Variants in TSHZ2 observed in about 807,000 individuals in gnomAD.
TSHZ2 encodes teashirt zinc finger homeobox 2, also known as teashirt homolog 2.
In TSHZ2, 21 loss-of-function variants were observed where a neutral mutation model predicts 74.4. The ratio of observed to expected loss-of-function variants is 0.28; its 90% CI spans 0.20 to 0.41. The LOEUF (loss-of-function observed/expected upper bound fraction) is 0.41, where lower values mean the gene tolerates loss of function less well. Ranked by LOEUF, TSHZ2 falls within the 10% of genes least tolerant of loss-of-function variation. The pLI is 1.00. For synonymous variants in TSHZ2, 540 were observed against 515.3 expected (o/e 1.05, Z -0.65); for missense variants, 1,244 against 1,293.5 (o/e 0.96, Z 0.59).
At chr20:53,378,749 TA>T (rs1001166775) in intron 2 of TSHZ2, among the ~76,000 whole-genome samples, 38 of 151,476 alleles carry the variant, frequency 2.5e-4, no homozygotes, top group African/African-American at 6.3e-4. Flanking sequence ...AATATGTCTT[TA>T]AAAAAAAACT....
chr20:53,110,632 T>A (rs1986505845), intron 1 of TSHZ2, among the ~76,000 whole-genome samples: 1 of 151,852 alleles, frequency 6.6e-6, no homozygotes, highest in African/African-American at 2.4e-5. Context: ...GCAGTTGGGA[T>A]ATGAGATAAA....
At chr20:53,343,132 A>G (rs781463720) in intron 2 of TSHZ2, among the ~76,000 whole-genome samples, 1 of 151,488 alleles carries the variant, frequency 6.6e-6, no homozygotes, top group Admixed American at 6.6e-5. Context: ...AAGCCCAGCT[A>G]ATTTTTGTAT....
At chr20:53,222,565 T>C (rs1422424056) in intron 1 of TSHZ2, among the ~76,000 whole-genome samples, 2 of 152,234 alleles carry the variant, frequency 1.3e-5, no homozygotes, top group African/African-American at 2.4e-5. Flanking sequence ...GCGTTCAGGT[T>C]AATTTATGAC....
At chr20:53,301,031 C>G (rs560160429) in intron 2 of TSHZ2, among the ~76,000 whole-genome samples, 2 of 152,036 alleles carry the variant, frequency 1.3e-5, no homozygotes, top group Non-Finnish European at 2.9e-5. Flanking sequence ...GGCAAGATCT[C>G]GGCTCACTGC....
intron 1 of TSHZ2, among the ~76,000 whole-genome samples, chr20:53,156,762 C>T (rs889885697): frequency 3.9e-5 from 6 of 152,166 alleles, no homozygotes; most frequent in African/African-American, 9.7e-5. Context: ...TGAATTAATA[C>T]TTTTTCTTAA....
rs556846894 is a variant in TSHZ2, at chr20:53,472,456, G to C, written c.*9-14688G>C. On this transcript the variant is annotated intron_variant, in intron 2 of 2. Transcript: ENST00000371497. ...GTGAAGAGGAATACAGAGGGGTACA[G>C]AATAAGGATTGGGGGTGCAAGCACC... 1.6e-4 allele frequency among the ~76,000 whole-genome samples: 24 copies of C among 152,284 alleles called. No individual in the cohort carries two copies. The South Asian group carries it at 4.8e-3, about 30-fold the overall frequency.
intron 1 of TSHZ2, among the ~76,000 whole-genome samples, chr20:53,089,328 T>TC (rs1985802727): frequency 2.5e-5 from 3 of 121,338 alleles, no homozygotes; most frequent in East Asian, 2.2e-4. Flanking sequence ...TTCTTTTTTT[T>TC]TTTTTTTTTT....
At chr20:53,269,135 TG>T (rs1014637463) in intron 2 of TSHZ2, among the ~76,000 whole-genome samples, 12 of 152,146 alleles carry the variant, frequency 7.9e-5, no homozygotes, top group African/African-American at 2.9e-4. Flanking sequence ...TGTACAGGGG[TG>T]GGGGCTGTCA....
chr20:53,100,637 A>T (rs6097233), intron 1 of TSHZ2, among the ~76,000 whole-genome samples: 1 of 152,032 alleles, frequency 6.6e-6, no homozygotes, highest in South Asian at 2.1e-4. Flanking sequence ...GATGGTAACT[A>T]TGATTTCACA....
At chr20:53,423,731 T>TC (rs1983562067) in intron 2 of TSHZ2, among the ~76,000 whole-genome samples, 1 of 152,160 alleles carries the variant, frequency 6.6e-6, no homozygotes, top group Non-Finnish European at 1.5e-5. Flanking sequence ...ATGCATTGGT[T>TC]CCCCCTCTGT....
chr20:53,028,881 A>G (rs571142966), intron 1 of TSHZ2, among the ~76,000 whole-genome samples: 103 of 152,354 alleles, frequency 6.8e-4, no homozygotes, highest in African/African-American at 2.4e-3. Context: ...CAGGTGTAAT[A>G]TAATGGTGAT....
At chr20:53,204,834 C>A (rs1000209587) in intron 1 of TSHZ2, among the ~76,000 whole-genome samples, 3 of 152,102 alleles carry the variant, frequency 2.0e-5, no homozygotes, top group African/African-American at 7.2e-5. Flanking sequence ...GTAATCCCAG[C>A]ACTTTGGGAG....
At chr20:53,378,531 C>T (rs961657852) in intron 2 of TSHZ2, among the ~76,000 whole-genome samples, 1 of 151,988 alleles carries the variant, frequency 6.6e-6, no homozygotes, top group Non-Finnish European at 1.5e-5. Context: ...CCCCCTGTTT[C>T]AGTGTGTCTC....
At chr20:53,471,927 T>A (rs1985818839) in intron 2 of TSHZ2, among the ~76,000 whole-genome samples, 1 of 150,188 alleles carries the variant, frequency 6.7e-6, no homozygotes, top group African/African-American at 2.4e-5. Flanking sequence ...TGCCTCAGCC[T>A]CCCGAGTAGC....
intron 1 of TSHZ2, among the ~76,000 whole-genome samples, chr20:53,046,489 C>G (rs1171535773): frequency 6.6e-6 from 1 of 152,098 alleles, no homozygotes; most frequent in African/African-American, 2.4e-5. Context: ...TATTATCACC[C>G]TAAGCTAAAA....
intron 2 of TSHZ2, among the ~76,000 whole-genome samples, chr20:53,267,000 A>T (rs903841647): frequency 6.6e-6 from 1 of 151,412 alleles, no homozygotes; most frequent in Non-Finnish European, 1.5e-5. Context: ...CTGATCTCAA[A>T]CTCCTGACCT....
At chr20:53,439,177 C>T (rs367650088) in intron 2 of TSHZ2, among the ~76,000 whole-genome samples, 1 of 152,170 alleles carries the variant, frequency 6.6e-6, no homozygotes, top group East Asian at 1.9e-4. Flanking sequence ...TCCTCTGACA[C>T]TCACAGTTAT....
intron 1 of TSHZ2, among the ~76,000 whole-genome samples, chr20:52,982,826 T>C (rs1981618197): frequency 6.6e-6 from 1 of 151,888 alleles, no homozygotes; most frequent in Admixed American, 6.6e-5. Context: ...TGATCAGACC[T>C]GAAAAAAAAG....
rs1013512791 is a variant in TSHZ2, at chr20:53,255,875, C to G, written c.2417C>G (p.Thr806Ser). ...ATGGTCAAAGTCCTCCCCAAAGCCA[C>G]CACCCCAAAGCCAGCCTCCTCCTCC... ...ADMVKVLPKA[T>S]TPKPASSSRV... The change falls in exon 2 of 3, where the codon ACC becomes AGC. Residue 806 changes from threonine to serine, a missense_variant. Coordinates refer to ENST00000371497, the MANE Select transcript of TSHZ2 (RefSeq NM_173485.6). The surrounding 1 kb of genome is among the most constrained non-coding windows in gnomAD (Gnocchi z 4.1). The G allele has an allele frequency of 1.2e-6, 2 of 1,612,724 alleles. No individual in the cohort carries two copies. The highest frequency in any genetic ancestry group is 2.7e-5 in the African/African-American group (2 of 74,896).
Sources: gnomAD v4.1 joint callset for allele counts (sites outside exome capture counted in the v4.1 genomes callset) on GRCh38, gnomAD v4.1.1 for gene constraint, Gnocchi (gnomAD v3.1) non-coding constraint, MANE v1.5 for transcripts, NCBI Gene and HGNC (gene_info 2026-07-23, HGNC 2026-07-21) for gene names.